Variants in CCDC25 observed in about 807,000 individuals in gnomAD.
CCDC25 encodes the protein coiled-coil domain-containing protein 25.
In CCDC25, 16 loss-of-function variants were observed where a neutral mutation model predicts 35.3. That is an observed-to-expected ratio of 0.45 (90% CI 0.31 to 0.69). The LOEUF is 0.69. Among genes scored for constraint, CCDC25 ranks in the 30% least tolerant of loss-of-function variants. The pLI is 0.06. For missense variants in CCDC25, 179 were observed against 250.7 expected, an observed-to-expected ratio of 0.71 and a Z score of 1.93; for synonymous variants, 79 against 80.3, an observed-to-expected ratio of 0.98 and a Z score of 0.09.
intron 5 of CCDC25, among the ~76,000 whole-genome samples, chr8:27,750,166 C>T (rs753479404): frequency 1.3e-5 from 2 of 152,232 alleles, no homozygotes; most frequent in Non-Finnish European, 2.9e-5. Flanking sequence ...TGGAAAGCTA[C>T]AGGAAACTGC....
rs1803689872 is a variant in CCDC25, at chr8:27,748,660, C to T, written c.245-62G>A. The T allele has an allele frequency of 2.4e-6, 3 of 1,232,834 alleles. No individual in the cohort carries two copies. The Admixed American group carries it at 5.2e-5, about 21-fold the overall frequency. The allele number at this position is 1,232,834 out of a possible 1,614,324, so 76.4% of individuals were successfully genotyped here. A position where few individuals can be genotyped will look rare whatever the true frequency, so the allele number is the denominator to read the frequency against. The stretch of plus-strand genomic sequence containing the variant: ...TGAGACTGAGCAATGTGTTCCCTTA[C>T]CCACTGGCAAACTGCCATAAGCCAA... On this transcript the variant is annotated intron_variant, in intron 5 of 8. Coordinates refer to ENST00000356537, the MANE Select transcript of CCDC25 (RefSeq NM_018246.3).
chr8:27,754,944 A>G (rs886325145), intron 4 of CCDC25, among the ~76,000 whole-genome samples: 3 of 152,220 alleles, frequency 2.0e-5, no homozygotes, highest in Non-Finnish European at 4.4e-5. Context: ...ACATACATGT[A>G]TCTCCTTCTC....
At chr8:27,770,118 C>T (rs898092915) in intron 1 of CCDC25, among the ~76,000 whole-genome samples, 1 of 151,656 alleles carries the variant, frequency 6.6e-6, no homozygotes, top group Admixed American at 6.6e-5. Context: ...TACTCTAGCC[C>T]GAGTGACAGA....
intron 4 of CCDC25, among the ~76,000 whole-genome samples, chr8:27,755,003 G>A (rs1163787253): frequency 3.3e-5 from 5 of 152,134 alleles, no homozygotes; most frequent in African/African-American, 4.8e-5. Context: ...AGTAACAGGC[G>A]CACCCAGAGC....
chr8:27,748,337 A>C, intron 6 of CCDC25, 58 bp from the exon 7 acceptor site: 1 of 1,511,064 alleles, frequency 6.6e-7, no homozygotes. Context: ...CTCCCAGAAG[A>C]GGGATGAGGC....
intron 7 of CCDC25, among the ~76,000 whole-genome samples, chr8:27,742,878 AAAACAAAAAAAC>A (rs1803487705): frequency 6.6e-6 from 1 of 151,920 alleles, no homozygotes; most frequent in Non-Finnish European, 1.5e-5. Context: ...AAAACAAAAC[AAAACAAAAAAAC>A]AAACAAAAAC....
At chr8:27,770,664 G>A (rs1217389399) in intron 1 of CCDC25, among the ~76,000 whole-genome samples, 2 of 150,488 alleles carry the variant, frequency 1.3e-5, no homozygotes, top group African/African-American at 2.4e-5. Context: ...GCTTGAACCC[G>A]GGAGGCAGAG....
At chr8:27,744,956 AT>A (rs1803556913) in intron 7 of CCDC25, among the ~76,000 whole-genome samples, 1 of 152,054 alleles carries the variant, frequency 6.6e-6, no homozygotes, top group African/African-American at 2.4e-5. Flanking sequence ...TCTCATTCCA[AT>A]TACCTGAGCT....
intron 8 of CCDC25, 118 bp from the exon 9 acceptor site, chr8:27,736,363 A>T: frequency 1.3e-6 from 1 of 766,214 alleles, no homozygotes; most frequent in South Asian, 1.8e-5. Flanking sequence ...TTCAGAAAGT[A>T]AAATAACTAA....
intron 1 of CCDC25, among the ~76,000 whole-genome samples, chr8:27,770,740 CAAA>C (rs10706627): frequency 5.5e-5 from 7 of 126,712 alleles, no homozygotes; most frequent in Admixed American, 2.3e-4. Context: ...ACTCCGTCTC[CAAA>C]AAAAAAAAAA....
chr8:27,738,363 G>T (rs11784867), intron 8 of CCDC25, among the ~76,000 whole-genome samples: 66,007 of 151,938 alleles, frequency 0.43, 14,599 homozygotes, highest in East Asian at 0.63. Context: ...AGAAAAACTA[G>T]GAAAACATTT....
chr8:27,744,822 G>T (rs1803552874), intron 7 of CCDC25, among the ~76,000 whole-genome samples: 1 of 152,162 alleles, frequency 6.6e-6, no homozygotes, highest in Non-Finnish European at 1.5e-5. Flanking sequence ...GTCAGTTACA[G>T]GCTACAATCT....
chr8:27,770,715 G>C (rs1375283479), intron 1 of CCDC25, among the ~76,000 whole-genome samples: 1 of 149,264 alleles, frequency 6.7e-6, no homozygotes, highest in Non-Finnish European at 1.5e-5. Flanking sequence ...CTCCAGCCTG[G>C]GCAACAAGAG....
chr8:27,747,947 GTTGAGC>G, intron 7 of CCDC25, 124 bp downstream of exon 7: 2 of 869,398 alleles, frequency 2.3e-6, no homozygotes, highest in South Asian at 1.7e-5. Context: ...CTGATTTAAG[GTTGAGC>G]TTAAGCTGAG....
intron 1 of CCDC25, among the ~76,000 whole-genome samples, chr8:27,767,862 A>T (rs1038965639): frequency 6.6e-6 from 1 of 151,222 alleles, no homozygotes; most frequent in Admixed American, 6.6e-5. Context: ...AAGAGAAAAA[A>T]ATAGAGAAAA....
chr8:27,769,994 A>C (rs1293975317), intron 1 of CCDC25, among the ~76,000 whole-genome samples: 1 of 152,164 alleles, frequency 6.6e-6, no homozygotes, highest in Admixed American at 6.5e-5. Flanking sequence ...AAATACAAAA[A>C]TTAGCCACGC....
chr8:27,759,021 G>A (rs1452487828), intron 3 of CCDC25, among the ~76,000 whole-genome samples: 4 of 151,934 alleles, frequency 2.6e-5, no homozygotes, highest in Non-Finnish European at 5.9e-5. Context: ...TATCTTGAGC[G>A]AGTTTCCTTA....
At position 27,737,746 on chromosome 8, in the gene CCDC25, G is replaced by T. The variant is rs534392017; in HGVS notation, c.598-1501C>A. ...TACTGGGTATCTACCCAGAGGAAAAGAAGTCATTATTCAAAAAAGATACTT... is the reference window on the plus strand; with the variant it reads ...TACTGGGTATCTACCCAGAGGAAAATAAGTCATTATTCAAAAAAGATACTT... On this transcript the variant is annotated intron_variant, in intron 8 of 8. Coordinates refer to ENST00000356537, the MANE Select transcript of CCDC25 (RefSeq NM_018246.3). The surrounding 1 kb of genome is among the most constrained non-coding windows in gnomAD (Gnocchi z 4.6). Among the ~76,000 whole-genome samples the T allele has an allele frequency of 1.3e-5, 2 of 152,236 alleles. No individual in the cohort carries two copies. The highest frequency in any genetic ancestry group is 2.1e-4 in the South Asian group (1 of 4,826).
At chr8:27,741,356 A>G (rs2128936627) in intron 7 of CCDC25, among the ~76,000 whole-genome samples, 1 of 152,362 alleles carries the variant, frequency 6.6e-6, no homozygotes, top group African/African-American at 2.4e-5. Context: ...AATAAGACTT[A>G]TTCATCAATA....
Sources: allele counts gnomAD v4.1 joint callset (sites outside exome capture counted in the v4.1 genomes callset), GRCh38; gene constraint gnomAD v4.1.1; non-coding constraint Gnocchi (gnomAD v3.1); transcripts MANE v1.5; gene names NCBI Gene and HGNC (gene_info 2026-07-23, HGNC 2026-07-21).